HKDC1: variants seen among roughly 807,000 people sequenced by gnomAD.
HKDC1 encodes hexokinase domain containing 1, also known as hexokinase HKDC1.
A neutral mutation model predicts 96.6 loss-of-function variants in HKDC1; 66 were observed. The observed-to-expected ratio is 0.68, with a 90% CI of 0.56 to 0.84. The LOEUF is 0.84. Ranked by LOEUF, HKDC1 falls within the 40% of genes least tolerant of loss-of-function variation. The pLI, the probability that HKDC1 is intolerant of heterozygous loss-of-function variation, is 0.00. For synonymous variants in HKDC1, 466 were observed against 473.1 expected (o/e 0.98, Z 0.20); for missense variants, 1,211 against 1,208.1 (o/e 1.00, Z -0.04).
intron 1 of HKDC1, among the ~76,000 whole-genome samples, chr10:69,221,089 G>A (rs909160673): frequency 6.6e-6 from 1 of 152,102 alleles, no homozygotes; most frequent in African/African-American, 2.4e-5. Flanking sequence ...GGTGGAGGTT[G>A]CAGTGAGCCG....
intron 12 of HKDC1, among the ~76,000 whole-genome samples, chr10:69,255,815 G>A (rs1002932102): frequency 2.0e-5 from 3 of 151,784 alleles, no homozygotes; most frequent in Non-Finnish European, 4.4e-5. Flanking sequence ...TACTCAGGAG[G>A]CTGAGGCACG....
Position 69,258,403 on chromosome 10 carries a change from TC to T in HKDC1, c.2033-371del, listed in dbSNP as rs1349445536. 2.0e-5 allele frequency among the ~76,000 whole-genome samples: 3 copies of T among 152,160 alleles called. No individual in the cohort carries two copies. In the East Asian group the frequency reaches 5.8e-4, roughly 29 times the overall value. On this transcript the variant is annotated intron_variant, in intron 14 of 17. Transcript: ENST00000354624. ...GACTAGATGATTCCTCATGGTCCCT[TC>T]CAGCTCTGACTGCTAATTTTACGAC...
intron 5 of HKDC1, among the ~76,000 whole-genome samples, chr10:69,239,611 C>T (rs946833333): frequency 3.3e-5 from 5 of 152,208 alleles, no homozygotes; most frequent in African/African-American, 4.8e-5. Context: ...AAGCAAGACT[C>T]GCTCCTTGCT....
chr10:69,262,069 T>TCATTGATGCA (rs1455943924), intron 16 of HKDC1: 1 of 435,134 alleles, frequency 2.3e-6, no homozygotes, highest in African/African-American at 2.0e-5. Flanking sequence ...ATGTTATCAG[T>TCATTGATGCA]CATTGATGCA....
At chr10:69,242,078 C>T (rs1386231244) in intron 6 of HKDC1, among the ~76,000 whole-genome samples, 3 of 152,226 alleles carry the variant, frequency 2.0e-5, no homozygotes, top group East Asian at 1.9e-4. Context: ...TTTCCCATTC[C>T]TTTACCACTC....
rs1843560748 is a variant in HKDC1 at position 69,247,534 on chromosome 10, G to A, written c.1206G>A (p.Lys402=). ...AILTRLRENK[K]VERLRTTVGM... The stretch of plus-strand genomic sequence containing the variant: ...TGACACGCCTCCGGGAGAACAAGAA[G>A]GTGGAACGGCTCCGGACCACAGTGG... Residue 402 remains lysine (K), a synonymous_variant, in exon 9 of 18, where the codon AAG becomes AAA. Coordinates refer to ENST00000354624, the MANE Select transcript of HKDC1 (RefSeq NM_025130.4). 1 of 1,614,052 alleles carries A rather than the reference G, an allele frequency of 6.2e-7. No individual in the cohort carries two copies. The highest frequency in any genetic ancestry group is 1.7e-5 in the Admixed American group (1 of 60,000).
chr10:69,238,047 A>T (rs1389646868), intron 4 of HKDC1, among the ~76,000 whole-genome samples: 1 of 152,252 alleles, frequency 6.6e-6, no homozygotes. Context: ...GATTTCAGAC[A>T]CGAAACTCAG....
At position 69,265,841 on chromosome 10, in the gene HKDC1, G is replaced by A. The variant is rs559189282; in HGVS notation, c.2606+23G>A. 1.9e-6 allele frequency: 3 copies of A among 1,571,706 alleles called. No individual in the cohort carries two copies. In the South Asian group the frequency reaches 3.4e-5, roughly 18 times the overall value. On this transcript the variant is annotated intron_variant, in intron 17 of 17. Transcript: ENST00000354624. ...TCAGTGAGTGCCCACAAGAGGCGTG[G>A]CGGGTGGGGCTGGGGAGGGCTGGCG... is the stretch of plus-strand genomic sequence containing the variant.
chr10:69,242,241 T>C (rs942972830), intron 6 of HKDC1, among the ~76,000 whole-genome samples: 10 of 152,146 alleles, frequency 6.6e-5, no homozygotes, highest in African/African-American at 9.6e-5. Context: ...TTGCCAGTCA[T>C]GGCACCCGCC....
chr10:69,255,558 G>A (rs60646628), intron 12 of HKDC1, among the ~76,000 whole-genome samples: 4,475 of 152,218 alleles, frequency 0.029, 207 homozygotes, highest in African/African-American at 0.1. Context: ...GATGGAGTGC[G>A]AGGCTAGACT....
chr10:69,235,097 A>G (rs1056200110), intron 4 of HKDC1, among the ~76,000 whole-genome samples: 2 of 151,816 alleles, frequency 1.3e-5, no homozygotes, highest in African/African-American at 2.4e-5. Flanking sequence ...ACTGCACTCC[A>G]GCAGCGCAGG....
rs752955545 is a variant in HKDC1 at position 69,265,731 on chromosome 10, T to C, written c.2519T>C (p.Ile840Thr). 3.7e-6 allele frequency: 6 copies of C among 1,612,970 alleles called. No homozygotes were observed. Among genetic ancestry groups the C allele is most frequent in the African/African-American group, 2.7e-5 (2 of 74,820 alleles). The change falls in exon 17 of 18, where the codon ATA (isoleucine) becomes ACA (threonine). Residue 840 changes from isoleucine (I) to threonine (T), a missense_variant. Physicochemically the swap from Ile to Thr is moderately conservative, Grantham distance 89 (BLOSUM62 -1). Transcript: ENST00000354624. ...AQLCGAGLAAIVEKRREDQGL... is the reference protein window; with the variant it reads ...AQLCGAGLAATVEKRREDQGL... ...CTCTGCGGTGCTGGCCTGGCCGCTA[T>C]AGTGGAAAAAAGGAGAGAAGACCAG...
At chr10:69,231,388 AC>A (rs1843257374) in intron 2 of HKDC1, among the ~76,000 whole-genome samples, 1 of 151,838 alleles carries the variant, frequency 6.6e-6, no homozygotes, top group East Asian at 1.9e-4. Flanking sequence ...CCACCTTCCA[AC>A]CTCATTTCTG....
rs1843043393 is a variant in HKDC1, at chr10:69,220,510, C to T, written c.63+12C>T. On this transcript the variant is annotated intron_variant, in intron 1 of 17. Coordinates refer to ENST00000354624, the MANE Select transcript of HKDC1 (RefSeq NM_025130.4). ...ACCAGATCAAGAAGGTAAGGAGGAC[C>T]CACGAAGCTGAGAGATGCCCAGCTC... The T allele has an allele frequency of 1.3e-6, 2 of 1,567,300 alleles. No homozygotes were observed. Among genetic ancestry groups the T allele is most frequent in the Admixed American group, 1.9e-5 (1 of 51,856 alleles).
chr10:69,245,557 G>A (rs1286769705), intron 7 of HKDC1, among the ~76,000 whole-genome samples: 1 of 136,982 alleles, frequency 7.3e-6, no homozygotes, highest in Non-Finnish European at 1.6e-5. Context: ...GTGACAGAAC[G>A]AGATCCTGTC....
intron 1 of HKDC1, among the ~76,000 whole-genome samples, chr10:69,220,742 C>T (rs916637020): frequency 1.3e-5 from 2 of 152,052 alleles, no homozygotes; most frequent in African/African-American, 2.4e-5. Flanking sequence ...GATGCGGAAG[C>T]GGGTGAGGAG....
intron 12 of HKDC1, 97 bp downstream of exon 12, chr10:69,250,749 A>G (rs961319913): frequency 5.7e-6 from 8 of 1,408,076 alleles, no homozygotes; most frequent in South Asian, 3.6e-5. Context: ...TCATTTTTAC[A>G]GGGATCTTGG....
In HKDC1 at chr10:69,256,632, C is replaced by T. The variant is rs571864442; in HGVS notation, c.1837-404C>T. 9.2e-5 allele frequency among the ~76,000 whole-genome samples: 14 copies of T among 151,916 alleles called. No homozygotes were observed. In the South Asian group the frequency reaches 2.1e-3, roughly 23 times the overall value. On this transcript the variant is annotated intron_variant, in intron 12 of 17. Transcript: ENST00000354624. Reference sequence around the variant, plus strand: ...CTGAGGCAGGAGAATTGCTTGAACCCGGGAAGTGGAGGTTGTAGTGAGCCG... The same window carrying T: ...CTGAGGCAGGAGAATTGCTTGAACCTGGGAAGTGGAGGTTGTAGTGAGCCG...
chr10:69,257,123 A>G lies in HKDC1; in HGVS notation c.1924A>G (p.Arg642Gly). The G allele has an allele frequency of 1.9e-6, 3 of 1,613,922 alleles. No individual in the cohort carries two copies. Among genetic ancestry groups the G allele is most frequent in the Non-Finnish European group, 2.5e-6 (3 of 1,179,822 alleles). ...VVDMLREAIK[R>G]RNEFDLDIVA... ...GGACATGCTCAGGGAAGCCATCAAGAGGAGAAACGTAGGATGTGGTGTTGA... is the reference window on the plus strand; with the variant it reads ...GGACATGCTCAGGGAAGCCATCAAGGGGAGAAACGTAGGATGTGGTGTTGA... The change falls in exon 13 of 18, where the codon AGG becomes GGG. Residue 642 changes from arginine to glycine, a missense_variant. By Grantham distance (125) the Arg-to-Gly change is moderately radical. Coordinates refer to ENST00000354624, the MANE Select transcript of HKDC1 (RefSeq NM_025130.4).
Sources: gnomAD v4.1 joint callset for allele counts (sites outside exome capture counted in the v4.1 genomes callset) on GRCh38, gnomAD v4.1.1 for gene constraint, MANE v1.5 for transcripts, NCBI Gene and HGNC (gene_info 2026-07-23, HGNC 2026-07-21) for gene names.